PRKCQ: variants seen among roughly 807,000 people sequenced by gnomAD.
The protein encoded by PRKCQ is protein kinase C theta type.
Under a neutral mutation model 91.2 loss-of-function variants are expected in PRKCQ, and 41 were observed. The ratio of observed to expected loss-of-function variants is 0.45; its 90% CI spans 0.35 to 0.58. PRKCQ has a LOEUF of 0.58. Ranked by LOEUF, PRKCQ falls within the 20% of genes least tolerant of loss-of-function variation. The probability of loss-of-function intolerance (pLI) is 0.00; values close to 1 mark genes in which losing one functional copy is unlikely to be tolerated. For synonymous variants in PRKCQ, 307 were observed against 316.9 expected (o/e 0.97, Z 0.33); for missense variants, 673 against 896.5 (o/e 0.75, Z 3.18).
At chr10:6,415,750 T>C in the PRKCQ span, among the ~76,000 whole-genome samples, 15 of 90,446 alleles carry the variant, frequency 1.7e-4, no homozygotes, top group African/African-American at 4.9e-4. Context: ...CTCTCTCTTT[T>C]TTTTTTTTTT....
chr10:6,514,017 C>T (rs1043210889), intron 2 of PRKCQ, among the ~76,000 whole-genome samples: 3 of 152,168 alleles, frequency 2.0e-5, no homozygotes, highest in African/African-American at 7.2e-5. Context: ...AATAGATGCT[C>T]TAAAGGGAAG....
rs79397589 is a variant in PRKCQ at position 6,465,577 on chromosome 10, G to A, written c.1354-1173C>T. Reference sequence around the variant, plus strand: ...CATAAAGTGTGAGGACCTTCGGTGCGTCTGGGCATGAATTTGCATCTGAAA... The same window carrying A: ...CATAAAGTGTGAGGACCTTCGGTGCATCTGGGCATGAATTTGCATCTGAAA... On this transcript the variant is annotated intron_variant, in intron 12 of 17. Transcript: ENST00000263125. This position sits in a 1 kb window ranked among gnomAD's most constrained non-coding sequence, Gnocchi z 4.4. Among the ~76,000 whole-genome samples the A allele has an allele frequency of 1.4e-3, 210 of 152,318 alleles. 5 individuals carry two copies. In the East Asian group the frequency reaches 0.036, roughly 26 times the overall value.
chr10:6,417,208 A>T, the PRKCQ span, among the ~76,000 whole-genome samples: 1 of 152,232 alleles, frequency 6.6e-6, no homozygotes, highest in Non-Finnish European at 1.5e-5. Flanking sequence ...AGGGGCAGTT[A>T]AAAGTGGGTA....
intron 2 of PRKCQ, among the ~76,000 whole-genome samples, chr10:6,513,048 A>C (rs1838560840): frequency 6.6e-6 from 1 of 152,202 alleles, no homozygotes; most frequent in Non-Finnish European, 1.5e-5. Context: ...GAGAAGGGGC[A>C]AAAGTCCCCA....
chr10:6,423,948 CT>C, downstream of PRKCQ, among the ~76,000 whole-genome samples: 1 of 152,258 alleles, frequency 6.6e-6, no homozygotes, highest in Admixed American at 6.5e-5. Flanking sequence ...TATTCACCCA[CT>C]CACTCAACAA....
intron 12 of PRKCQ, among the ~76,000 whole-genome samples, chr10:6,467,824 T>C (rs1213300858): frequency 6.6e-6 from 1 of 152,196 alleles, no homozygotes; most frequent in Non-Finnish European, 1.5e-5. Context: ...TCCAGACAAC[T>C]GAAGGCAATA....
At position 6,430,524 on chromosome 10, in the gene PRKCQ, C is replaced by A. The variant is rs1196388422; in HGVS notation, c.1965+286G>T. 4.6e-5 allele frequency among the ~76,000 whole-genome samples: 7 copies of A among 152,124 alleles called. No individual in the cohort carries two copies. Among genetic ancestry groups the A allele is most frequent in the African/African-American group, 1.7e-4 (7 of 41,408 alleles). The stretch of plus-strand genomic sequence containing the variant: ...AACCCCCATCTTGTTTAATAGTCAC[C>A]CTCACAAATTCATATTCAACCTAAG... On this transcript the variant is annotated intron_variant, in intron 17 of 17. Coordinates refer to ENST00000263125, the MANE Select transcript of PRKCQ (RefSeq NM_006257.5). This position sits in a 1 kb window ranked among gnomAD's most constrained non-coding sequence, Gnocchi z 4.7.
chr10:6,508,555 C>A (rs1031952750), intron 3 of PRKCQ, among the ~76,000 whole-genome samples: 3 of 152,208 alleles, frequency 2.0e-5, no homozygotes, highest in African/African-American at 7.2e-5. Flanking sequence ...TGCATTGCTG[C>A]AACAACTATA....
intron 1 of PRKCQ, among the ~76,000 whole-genome samples, chr10:6,572,048 G>T (rs1221265960): frequency 6.6e-6 from 1 of 152,096 alleles, no homozygotes; most frequent in East Asian, 1.9e-4. Context: ...TAAGCTGTGA[G>T]ACCCACCCAA....
intron 1 of PRKCQ, among the ~76,000 whole-genome samples, chr10:6,544,576 C>G (rs1053643674): frequency 1.3e-5 from 2 of 151,828 alleles, no homozygotes; most frequent in Non-Finnish European, 2.9e-5. Flanking sequence ...TGTGTGATGA[C>G]TGTTTAACCT....
chr10:6,395,054 GTCT>G, the PRKCQ span, among the ~76,000 whole-genome samples: 12,963 of 129,804 alleles, frequency 0.1, 922 homozygotes, highest in African/African-American at 0.19. Context: ...GGAAGCTGGA[GTCT>G]TTTTTTTTTT....
chr10:6,474,224 C>CACT (rs1371343827), intron 12 of PRKCQ, among the ~76,000 whole-genome samples: 1 of 152,232 alleles, frequency 6.6e-6, no homozygotes, highest in Non-Finnish European at 1.5e-5. Flanking sequence ...AATCCAGGAA[C>CACT]ACTAGCGTTC....
At chr10:6,563,709 T>C (rs1226455704) in intron 1 of PRKCQ, among the ~76,000 whole-genome samples, 1 of 152,144 alleles carries the variant, frequency 6.6e-6, no homozygotes, top group African/African-American at 2.4e-5. Flanking sequence ...CTCCACTCTG[T>C]CATTTACCTA....
intron 1 of PRKCQ, among the ~76,000 whole-genome samples, chr10:6,516,151 T>C (rs1308047392): frequency 6.6e-6 from 1 of 152,206 alleles, no homozygotes; most frequent in East Asian, 1.9e-4. Flanking sequence ...GAAAGAAAAC[T>C]ATTTGAAATA....
chr10:6,544,142 C>G (rs563438475), intron 1 of PRKCQ, among the ~76,000 whole-genome samples: 12 of 152,244 alleles, frequency 7.9e-5, no homozygotes, highest in African/African-American at 2.4e-4. Flanking sequence ...TTGGAAGAAT[C>G]AAAGGGTTAT....
At chr10:6,418,188 T>A in the PRKCQ span, among the ~76,000 whole-genome samples, 4 of 152,236 alleles carry the variant, frequency 2.6e-5, no homozygotes, top group African/African-American at 9.6e-5. Flanking sequence ...ACCTGTGAAG[T>A]CGCAGAACCT....
chr10:6,479,834 TC>T (rs1836496311), intron 11 of PRKCQ, among the ~76,000 whole-genome samples: 1 of 147,774 alleles, frequency 6.8e-6, no homozygotes, highest in South Asian at 2.2e-4. Context: ...GTGCCTGTAG[TC>T]CCAGCTACTC....
At chr10:6,467,389 CAGAGAGAGAGAGAGAGAGAGAG>C (rs1160599680) in intron 12 of PRKCQ, among the ~76,000 whole-genome samples, 1 of 27,772 alleles carries the variant, frequency 3.6e-5, no homozygotes, top group Non-Finnish European at 6.4e-5. Flanking sequence ...GAGAGACAGA[CAGAGAGAGAGAGAGAGAGAGAG>C]AGAGAGAGAG....
intron 1 of PRKCQ, among the ~76,000 whole-genome samples, chr10:6,570,657 C>T (rs1466297195): frequency 2.0e-5 from 3 of 151,352 alleles, no homozygotes; most frequent in African/African-American, 4.9e-5. Flanking sequence ...TGGGTTCAAG[C>T]GATTCTCCTG....
Sources: allele counts gnomAD v4.1 joint callset (sites outside exome capture counted in the v4.1 genomes callset), GRCh38; gene constraint gnomAD v4.1.1; non-coding constraint Gnocchi (gnomAD v3.1); transcripts MANE v1.5; gene names NCBI Gene and HGNC (gene_info 2026-07-23, HGNC 2026-07-21).